EPHA3: variants seen among roughly 807,000 people sequenced by gnomAD.
EPHA3 encodes EPH receptor A3.
Under a neutral mutation model 107.1 loss-of-function variants are expected in EPHA3, and 42 were observed. The ratio of observed to expected loss-of-function variants is 0.39; its 90% CI spans 0.31 to 0.51. The LOEUF is 0.51. Ranked by LOEUF, EPHA3 falls within the 20% of genes least tolerant of loss-of-function variation. The probability of loss-of-function intolerance (pLI) is 0.78; values close to 1 mark genes in which losing one functional copy is unlikely to be tolerated. For synonymous variants in EPHA3, 461 were observed against 424.8 expected (o/e 1.09, Z -1.05); for missense variants, 1,183 against 1,211.2 (o/e 0.98, Z 0.35).
At chr3:89,152,781 T>C (rs1343781122) in intron 2 of EPHA3, among the ~76,000 whole-genome samples, 3 of 152,100 alleles carry the variant, frequency 2.0e-5, no homozygotes, top group Non-Finnish European at 4.4e-5. Flanking sequence ...GTTAATATGT[T>C]TCTAAATGAA....
intron 3 of EPHA3, among the ~76,000 whole-genome samples, chr3:89,319,099 T>C (rs183545121): frequency 7.1e-4 from 108 of 152,076 alleles, no homozygotes; most frequent in Middle Eastern, 3.4e-3. Flanking sequence ...GTATCACTTA[T>C]CTTTTCTCCA....
intron 3 of EPHA3, among the ~76,000 whole-genome samples, chr3:89,212,684 C>CT (rs755783760): frequency 1.3e-4 from 19 of 151,660 alleles, no homozygotes; most frequent in Non-Finnish European, 2.4e-4. Flanking sequence ...ACGCTAATGG[C>CT]TTTTTATATA....
intron 3 of EPHA3, among the ~76,000 whole-genome samples, chr3:89,219,703 G>GTTTTTTTTTTTT (rs796857390): frequency 9.5e-4 from 25 of 26,230 alleles, no homozygotes; most frequent in Middle Eastern, 0.038. Flanking sequence ...TTTTTTTTTT[G>GTTTTTTTTTTTT]TTTTTTGTTT....
intron 16 of EPHA3, 24 bp from the exon 17 acceptor site, chr3:89,479,373 T>G (rs780119201): frequency 1.3e-6 from 2 of 1,593,692 alleles, no homozygotes; most frequent in Admixed American, 1.7e-5. Context: ...AAACCGATTC[T>G]TATATTGTTT....
chr3:89,246,638 G>A (rs1022975018), intron 3 of EPHA3, among the ~76,000 whole-genome samples: 1 of 152,028 alleles, frequency 6.6e-6, no homozygotes, highest in Non-Finnish European at 1.5e-5. Context: ...TGAATATATC[G>A]AATATCAATT....
chr3:89,232,286 G>A (rs566326115), intron 3 of EPHA3, among the ~76,000 whole-genome samples: 63 of 152,210 alleles, frequency 4.1e-4, no homozygotes, highest in Non-Finnish European at 7.8e-4. Context: ...GGGCAAGGAA[G>A]ACTCATTTCT....
At chr3:89,260,470 T>C (rs1705387253) in intron 3 of EPHA3, among the ~76,000 whole-genome samples, 1 of 152,172 alleles carries the variant, frequency 6.6e-6, no homozygotes, top group South Asian at 2.1e-4. Flanking sequence ...TGTTAGCCAT[T>C]TTTATGTCTT....
At chr3:89,276,316 T>C (rs555521646) in intron 3 of EPHA3, among the ~76,000 whole-genome samples, 1 of 152,222 alleles carries the variant, frequency 6.6e-6, no homozygotes, top group Non-Finnish European at 1.5e-5. Flanking sequence ...TATCAAGCAT[T>C]GTACTGTACA....
At chr3:89,454,790 G>A (rs899839597) in intron 15 of EPHA3, among the ~76,000 whole-genome samples, 1 of 152,114 alleles carries the variant, frequency 6.6e-6, no homozygotes, top group African/African-American at 2.4e-5. Context: ...CCAGGAGTTG[G>A]AGACCAGTTT....
chr3:89,160,921 A>T (rs1704922571), intron 2 of EPHA3, among the ~76,000 whole-genome samples: 2 of 152,128 alleles, frequency 1.3e-5, no homozygotes, highest in Non-Finnish European at 2.9e-5. Flanking sequence ...CTAAGAAATT[A>T]TTGAGGTTTT....
chr3:89,313,600 A>G (rs1706819248), intron 3 of EPHA3, among the ~76,000 whole-genome samples: 1 of 151,998 alleles, frequency 6.6e-6, no homozygotes, highest in Non-Finnish European at 1.5e-5. Flanking sequence ...CTGGTTAAAT[A>G]TAGGAAATTT....
At chr3:89,418,138 G>A (rs1709284065) in intron 10 of EPHA3, among the ~76,000 whole-genome samples, 1 of 151,266 alleles carries the variant, frequency 6.6e-6, no homozygotes, top group African/African-American at 2.4e-5. Flanking sequence ...GAGAAAATTG[G>A]ACCAAGATTA....
At chr3:89,471,753 G>A (rs1281941011) in intron 15 of EPHA3, among the ~76,000 whole-genome samples, 2 of 151,610 alleles carry the variant, frequency 1.3e-5, no homozygotes, top group Non-Finnish European at 2.9e-5. Context: ...ATGTGTGTGT[G>A]TATATATATA....
In EPHA3 at chr3:89,260,092, A is replaced by C. The variant is rs184215700; in HGVS notation, c.814+49572A>C. Reference sequence around the variant, plus strand: ...TCCTTTCTTCTGTCAACAGACACTTAGGTTGTTTCCATTATCTTGGCTATT... The same window carrying C: ...TCCTTTCTTCTGTCAACAGACACTTCGGTTGTTTCCATTATCTTGGCTATT... On this transcript the variant is annotated intron_variant, in intron 3 of 16. Transcript: ENST00000336596. Among the ~76,000 whole-genome samples, 33 of 152,296 alleles carry C rather than the reference A, an allele frequency of 2.2e-4. No homozygotes were observed. In the East Asian group the frequency reaches 3.9e-3, roughly 18 times the overall value.
chr3:89,394,259 A>T (rs1403776595), intron 5 of EPHA3, among the ~76,000 whole-genome samples: 3 of 152,134 alleles, frequency 2.0e-5, no homozygotes, highest in African/African-American at 2.4e-5. Context: ...AATAATAAAA[A>T]ATTAGCTGAT....
intron 1 of EPHA3, among the ~76,000 whole-genome samples, chr3:89,124,300 C>T (rs1329942001): frequency 6.6e-6 from 1 of 152,058 alleles, no homozygotes; most frequent in Non-Finnish European, 1.5e-5. Context: ...GCAGAGAAAT[C>T]GCTCACAGAT....
intron 15 of EPHA3, among the ~76,000 whole-genome samples, chr3:89,456,771 C>T (rs1458696258): frequency 2.6e-5 from 4 of 152,088 alleles, no homozygotes; most frequent in African/African-American, 9.7e-5. Flanking sequence ...TAATTGATTG[C>T]TTTTTCTAAA....
rs752176493 is a variant in EPHA3 at position 89,472,610 on chromosome 3, T to C, written c.2837T>C (p.Ile946Thr). 1.9e-6 allele frequency: 3 copies of C among 1,608,884 alleles called. 1 individual carries two copies. In the South Asian group the frequency reaches 3.3e-5, roughly 18 times the overall value. The change falls in exon 16 of 17, where the codon ATT becomes ACT. Residue 946 changes from isoleucine to threonine, a missense_variant. Physicochemically the swap from Ile to Thr is moderately conservative, Grantham distance 89. Coordinates refer to ENST00000336596, the MANE Select transcript of EPHA3 (RefSeq NM_005233.6). ...EYSSCDTIAK[I>T]STDDMKKVGV... ...AGTTCTTGTGACACAATAGCCAAGA[T>C]TTCCACAGAGTAAGAAAAAAAAATT...
intron 3 of EPHA3, among the ~76,000 whole-genome samples, chr3:89,335,128 T>G (rs899374937): frequency 6.6e-5 from 10 of 152,214 alleles, no homozygotes; most frequent in Non-Finnish European, 1.5e-4. Context: ...TTCTTTGGGC[T>G]GCTATATCAA....
Sources: allele counts gnomAD v4.1 joint callset (sites outside exome capture counted in the v4.1 genomes callset), GRCh38; gene constraint gnomAD v4.1.1; transcripts MANE v1.5; gene names NCBI Gene and HGNC (gene_info 2026-07-23, HGNC 2026-07-21).